Variants in ARSG observed in about 807,000 individuals in gnomAD.
The protein encoded by ARSG is arylsulfatase G.
A neutral mutation model predicts 50.5 loss-of-function variants in ARSG; 37 were observed. That is an observed-to-expected ratio of 0.73 (90% confidence interval 0.56 to 0.96). ARSG has a LOEUF of 0.96. ARSG is among the 50% of genes least tolerant of loss of function. The pLI is 0.00. For synonymous variants in ARSG, 225 were observed against 254.6 expected (o/e 0.88, Z 1.11); for missense variants, 629 against 675.3 (o/e 0.93, Z 0.76).
chr17:68,390,152 TA>T (rs534385155), intron 9 of ARSG, among the ~76,000 whole-genome samples: 166 of 152,256 alleles, frequency 1.1e-3, no homozygotes, highest in African/African-American at 3.9e-3. Flanking sequence ...CATGCCCGGC[TA>T]ATTTTTGTCT....
intron 1 of ARSG, among the ~76,000 whole-genome samples, chr17:68,300,846 T>C (rs17774494): frequency 0.12 from 17,510 of 150,174 alleles, 1,092 homozygotes; most frequent in Middle Eastern, 0.16. Context: ...GTGTGAGGTC[T>C]CCAAGCTTTA....
At chr17:68,341,107 G>A (rs969676594) in intron 2 of ARSG, among the ~76,000 whole-genome samples, 3 of 151,988 alleles carry the variant, frequency 2.0e-5, no homozygotes, top group Admixed American at 2.0e-4. Context: ...AGCTTTTTTT[G>A]TGGTTCTCTT....
chr17:68,421,601 C>G, downstream of ARSG: 1 of 814,094 alleles, frequency 1.2e-6, no homozygotes, highest in Non-Finnish European at 2.0e-6. Context: ...CAACCAGGGT[C>G]GTGGGAAGCT....
At chr17:68,327,241 T>G (rs2077542678) in intron 2 of ARSG, among the ~76,000 whole-genome samples, 1 of 152,124 alleles carries the variant, frequency 6.6e-6, no homozygotes, top group Non-Finnish European at 1.5e-5. Context: ...AAAAGAATAC[T>G]GTTGAGCTGG....
chr17:68,441,263 A>G, the ARSG span, among the ~76,000 whole-genome samples: 1 of 152,250 alleles, frequency 6.6e-6, no homozygotes, highest in African/African-American at 2.4e-5. Flanking sequence ...ACACAACAGG[A>G]ACGGGCATGA....
At chr17:68,352,824 A>G in intron 5 of ARSG, among the ~76,000 whole-genome samples, 1 of 151,850 alleles carries the variant, frequency 6.6e-6, no homozygotes, top group Non-Finnish European at 1.5e-5. Context: ...CTCTTTCTCC[A>G]CTTTCTCTTT....
chr17:68,380,685 C>A (rs2080390902), intron 8 of ARSG, among the ~76,000 whole-genome samples: 1 of 152,166 alleles, frequency 6.6e-6, no homozygotes, highest in African/African-American at 2.4e-5. Flanking sequence ...ATTGGTACGG[C>A]TTCCTGGTCA....
chr17:68,375,562 A>C (rs2080103347), intron 8 of ARSG, among the ~76,000 whole-genome samples: 1 of 152,260 alleles, frequency 6.6e-6, no homozygotes, highest in Non-Finnish European at 1.5e-5. Flanking sequence ...TAAAATTAAT[A>C]CAATTTAATT....
At chr17:68,314,007 C>T (rs1331075521) in intron 2 of ARSG, among the ~76,000 whole-genome samples, 7 of 151,906 alleles carry the variant, frequency 4.6e-5, no homozygotes, top group South Asian at 2.1e-4. Flanking sequence ...CCGCTTCTAA[C>T]GCAGTCTATA....
At chr17:68,278,562 G>A (rs1334128847) in intron 1 of ARSG, among the ~76,000 whole-genome samples, 4 of 151,040 alleles carry the variant, frequency 2.6e-5, no homozygotes, top group Non-Finnish European at 5.9e-5. Context: ...AGCCTCCCAA[G>A]TAGCTGGGAC....
At chr17:68,333,830 A>G (rs2077895376) in intron 2 of ARSG, among the ~76,000 whole-genome samples, 1 of 152,156 alleles carries the variant, frequency 6.6e-6, no homozygotes, top group South Asian at 2.1e-4. Context: ...CGATTTGGAC[A>G]TCAAAGGGTA....
At chr17:68,370,671 C>T in intron 8 of ARSG, 147 bp downstream of exon 8, 1 of 695,990 alleles carries the variant, frequency 1.4e-6, no homozygotes, top group Non-Finnish European at 2.5e-6. Context: ...TCACCAGCCA[C>T]CAGCACCCAG....
chr17:68,370,608 A>G (rs2079791063), intron 8 of ARSG, 84 bp downstream of exon 8: 2 of 1,260,736 alleles, frequency 1.6e-6, no homozygotes, highest in Admixed American at 1.9e-5. Flanking sequence ...CGGGTGGGGG[A>G]CAACTTATAT....
chr17:68,321,092 C>T (rs527913591), intron 2 of ARSG, among the ~76,000 whole-genome samples: 5 of 152,176 alleles, frequency 3.3e-5, no homozygotes, highest in African/African-American at 1.2e-4. Flanking sequence ...ATCGCTTGAG[C>T]CCAGGAATTT....
intron 2 of ARSG, among the ~76,000 whole-genome samples, chr17:68,338,415 C>T (rs1430019960): frequency 3.9e-5 from 6 of 152,104 alleles, no homozygotes; most frequent in African/African-American, 1.2e-4. Flanking sequence ...GTGGAGTGGG[C>T]GAGTCTCCCC....
chr17:68,352,953 G>A (rs766121253), intron 5 of ARSG, among the ~76,000 whole-genome samples: 6 of 152,162 alleles, frequency 3.9e-5, no homozygotes, highest in South Asian at 2.1e-4. Context: ...TCCCTTGTTC[G>A]GACAGAGCAC....
intron 7 of ARSG, 84 bp from the exon 8 acceptor site, chr17:68,370,360 G>T (rs779617369): frequency 1.9e-5 from 24 of 1,235,988 alleles, no homozygotes; most frequent in African/African-American, 3.0e-5. Context: ...CCTGCTCTGC[G>T]CAAGGGATAT....
At chr17:68,405,828 C>A (rs1428831700) in intron 11 of ARSG, among the ~76,000 whole-genome samples, 1 of 152,122 alleles carries the variant, frequency 6.6e-6, no homozygotes, top group African/African-American at 2.4e-5. Flanking sequence ...TTAGTACAAC[C>A]ACTCTTGCTA....
chr17:68,332,906 A>G (rs1365407382), intron 2 of ARSG, among the ~76,000 whole-genome samples: 1 of 152,238 alleles, frequency 6.6e-6, no homozygotes, highest in Non-Finnish European at 1.5e-5. Context: ...CAGAGCTACA[A>G]ATTCTGACCA....
Sources: allele counts gnomAD v4.1 joint callset (sites outside exome capture counted in the v4.1 genomes callset), GRCh38; gene constraint gnomAD v4.1.1; transcripts MANE v1.5; gene names NCBI Gene and HGNC (gene_info 2026-07-23, HGNC 2026-07-21).